The following KLHDC4 variants were observed in gnomAD, a reference collection of about 807,000 sequenced individuals.
The protein encoded by KLHDC4 is kelch domain-containing protein 4.
In KLHDC4, 90 loss-of-function variants were observed where a neutral mutation model predicts 62.4. The observed-to-expected ratio is 1.44, with a 90% CI of 1.22 to 1.72. The LOEUF (loss-of-function observed/expected upper bound fraction) is 1.72. KLHDC4 is among the 40% of genes most tolerant of loss of function. The pLI, the probability that KLHDC4 is intolerant of heterozygous loss-of-function variation, is 0.00. For missense variants in KLHDC4, 1,025 were observed against 699.7 expected, an observed-to-expected ratio of 1.47 and a Z score of -5.25; for synonymous variants, 386 against 284.4, an observed-to-expected ratio of 1.36 and a Z score of -3.59.
At chr16:87,712,610 A>T (rs1011453040) in intron 8 of KLHDC4, among the ~76,000 whole-genome samples, 1 of 152,250 alleles carries the variant, frequency 6.6e-6, no homozygotes, top group Non-Finnish European at 1.5e-5. Context: ...CTGGAAAGTG[A>T]CTGAAAGAAG....
chr16:87,730,289 TG>T (rs774799176), intron 6 of KLHDC4, among the ~76,000 whole-genome samples: 1 of 152,234 alleles, frequency 6.6e-6, no homozygotes, highest in Non-Finnish European at 1.5e-5. Flanking sequence ...CCACATCATT[TG>T]CAGGACCTGG....
At chr16:87,742,588 G>A (rs1419060074) in intron 5 of KLHDC4, among the ~76,000 whole-genome samples, 2 of 152,172 alleles carry the variant, frequency 1.3e-5, no homozygotes, top group East Asian at 3.8e-4. Context: ...TAGGGATCGT[G>A]GAGAGGGTAC....
rs367716328 is a variant in KLHDC4 at position 87,730,030 on chromosome 16, T to C, written c.599+522A>G. 4.6e-5 allele frequency among the ~76,000 whole-genome samples: 7 copies of C among 152,374 alleles called. No individual in the cohort carries two copies. In the East Asian group the frequency reaches 9.6e-4, roughly 21 times the overall value. On this transcript the variant is annotated intron_variant, in intron 6 of 11. Coordinates refer to ENST00000270583, the MANE Select transcript of KLHDC4 (RefSeq NM_017566.4). The stretch of plus-strand genomic sequence containing the variant: ...GTTCAGTGGCATGATCTCAACTCAC[T>C]GCAACCTCCATCTCCTGGGTTCAAG...
At chr16:87,733,571 C>T (rs2040775561) in intron 5 of KLHDC4, among the ~76,000 whole-genome samples, 2 of 151,996 alleles carry the variant, frequency 1.3e-5, no homozygotes, top group African/African-American at 4.8e-5. Flanking sequence ...TCCCTGGGAT[C>T]CTCACTGATG....
At chr16:87,711,851 C>G (rs2035915209) in intron 8 of KLHDC4, among the ~76,000 whole-genome samples, 1 of 149,596 alleles carries the variant, frequency 6.7e-6, no homozygotes, top group Non-Finnish European at 1.5e-5. Context: ...GCACCAGCCC[C>G]CCTTGGGCCT....
In KLHDC4 at chr16:87,756,398, CT is replaced by C; in HGVS notation, c.270del (p.Thr91LeufsTer36). 6.2e-7 allele frequency: 1 copy of C among 1,606,930 alleles called. No individual in the cohort carries two copies. The highest frequency in any genetic ancestry group is 8.5e-7 in the Non-Finnish European group (1 of 1,173,534). On this transcript the variant is annotated frameshift_variant and splice_region_variant, in exon 3 of 12. Coordinates refer to ENST00000270583, the MANE Select transcript of KLHDC4 (RefSeq NM_017566.4). LOFTEE classifies it high-confidence loss of function. ...AGAAAAGAAAAAAATATATACTTTACTTTTTGGCCGTTGAAATATTCACCTC... is the reference window on the plus strand; with the variant it reads ...AGAAAAGAAAAAAATATATACTTTACTTTTGGCCGTTGAAATATTCACCTC... ...LFGGEYFNGQ[K>X]TFLYNELYVY... is the part of the protein sequence containing the mutation.
At chr16:87,720,657 C>A (rs112080695) in intron 7 of KLHDC4, among the ~76,000 whole-genome samples, 1 of 152,204 alleles carries the variant, frequency 6.6e-6, no homozygotes, top group African/African-American at 2.4e-5. Context: ...CCACGTGTCG[C>A]GAGAGCAGCA....
Position 87,722,672 on chromosome 16 carries a change from G to A in KLHDC4, c.759+4093C>T, listed in dbSNP as rs150066054. 8.9e-3 allele frequency among the ~76,000 whole-genome samples: 1,356 copies of A among 152,348 alleles called. 7 individuals are homozygous for A. Among genetic ancestry groups the A allele is most frequent in the Non-Finnish European group, 0.014 (972 of 68,024 alleles). On this transcript the variant is annotated intron_variant, in intron 7 of 11. Transcript: ENST00000270583. ...ATGGTGAGCAGAAGGACAAGGACAC[G>A]CAGGGGGATGGAAACTGGGGCCGCC...
At position 87,714,577 on chromosome 16, in the gene KLHDC4, C is replaced by G. The variant is rs1274978524; in HGVS notation, c.760-4G>C. 1 of 1,613,988 alleles carries G rather than the reference C, an allele frequency of 6.2e-7. No individual in the cohort carries two copies. Among genetic ancestry groups the G allele is most frequent in the Non-Finnish European group, 8.5e-7 (1 of 1,179,958 alleles). On this transcript the variant is annotated splice_region_variant and splice_polypyrimidine_tract_variant and intron_variant, in intron 7 of 11. Transcript: ENST00000270583. ...TGTCCACGTCTTTCTTAACTCTCTG[C>G]AATGGAAAGGAATTGTGTGAGAACC...
In KLHDC4 at chr16:87,762,377, G is replaced by A. The variant is rs140380738; in HGVS notation, c.100-337C>T. On this transcript the variant is annotated intron_variant, in intron 1 of 11. Coordinates refer to ENST00000270583, the MANE Select transcript of KLHDC4 (RefSeq NM_017566.4). ...TCTCATAACCCAGACTCGAGCCGTCGCACCTGCCAGCCTTCCTGTCTGCAG... is the reference window on the plus strand; with the variant it reads ...TCTCATAACCCAGACTCGAGCCGTCACACCTGCCAGCCTTCCTGTCTGCAG... 2.0e-3 allele frequency among the ~76,000 whole-genome samples: 300 copies of A among 151,474 alleles called. 1 individual carries two copies. Among genetic ancestry groups the A allele is most frequent in the African/African-American group, 6.9e-3 (286 of 41,206 alleles).
chr16:87,704,781 G>A (rs2034463207), downstream of KLHDC4, among the ~76,000 whole-genome samples: 1 of 151,788 alleles, frequency 6.6e-6, no homozygotes, highest in African/African-American at 2.4e-5. Flanking sequence ...CAAACCAACT[G>A]CCTGGCAAGA....
intron 7 of KLHDC4, among the ~76,000 whole-genome samples, chr16:87,723,640 G>C (rs1192227175): frequency 2.0e-5 from 3 of 152,188 alleles, no homozygotes; most frequent in African/African-American, 7.2e-5. Flanking sequence ...CAGAACAAAA[G>C]ATGACCAAGA....
chr16:87,729,944 A>G (rs1567725440), intron 6 of KLHDC4, among the ~76,000 whole-genome samples: 1 of 152,138 alleles, frequency 6.6e-6, no homozygotes, highest in Non-Finnish European at 1.5e-5. Context: ...TGAGAATCCC[A>G]TTTTATTTTT....
intron 9 of KLHDC4, chr16:87,710,023 T>A (rs983869250): frequency 1.6e-5 from 4 of 246,670 alleles, no homozygotes; most frequent in African/African-American, 8.8e-5. Context: ...GAAAACCCAA[T>A]CACCCACAGT....
Position 87,756,494 on chromosome 16 carries a change from C to A in KLHDC4, c.192-17G>T. On this transcript the variant is annotated splice_polypyrimidine_tract_variant and intron_variant, in intron 2 of 11. Transcript: ENST00000270583. ...GCATTTAACCTACAAGACACACAAG[C>A]GGCAGGTCAGCAAGATCACCCCCGA... 1.2e-6 allele frequency: 2 copies of A among 1,605,764 alleles called. No homozygotes were observed. The highest frequency in any genetic ancestry group is 3.3e-5 in the Admixed American group (2 of 59,938).
chr16:87,755,195 T>G lies in KLHDC4; in HGVS notation c.368A>C (p.Gln123Pro). 1.2e-6 allele frequency: 2 copies of G among 1,602,304 alleles called. No individual in the cohort carries two copies. The highest frequency in any genetic ancestry group is 2.2e-5 in the East Asian group (1 of 44,814). ...PSPPPRRCAHQAVVVPQGGGQ... is the reference protein window; with the variant it reads ...PSPPPRRCAHPAVVVPQGGGQ... The stretch of plus-strand genomic sequence containing the variant: ...GCTGAGAGTCAGTGCTGACATTACC[T>G]GGTGAGCACAGCGCCTCGGAGGTGG... The change falls in exon 4 of 12, where the codon CAG becomes CCG. Residue 123 changes from glutamine to proline, a missense_variant and splice_region_variant. Transcript: ENST00000270583.
At position 87,708,435 on chromosome 16, in the gene KLHDC4, C is replaced by G. The variant is rs147054651; in HGVS notation, c.1479G>C (p.Ser493=). 7.4e-6 allele frequency: 12 copies of G among 1,611,012 alleles called. No individual in the cohort carries two copies. Among genetic ancestry groups the G allele is most frequent in the Non-Finnish European group, 9.3e-6 (11 of 1,178,862 alleles). Residue 493 remains serine, a synonymous_variant, in exon 11 of 12, where the codon TCG becomes TCC. Coordinates refer to ENST00000270583, the MANE Select transcript of KLHDC4 (RefSeq NM_017566.4). ...ETQEWLEETD[S]EEDSEEVEGA... ...CCTCAACCTCCTCACTGTCCTCTTC[C>G]GAGTCCGTCTCCTCCAGCCACTCCT...
At chr16:87,735,997 C>T (rs376968745) in intron 5 of KLHDC4, among the ~76,000 whole-genome samples, 2 of 152,312 alleles carry the variant, frequency 1.3e-5, no homozygotes, top group East Asian at 1.9e-4. Context: ...TGCATGCAAA[C>T]GCTTCTCTGA....
intron 7 of KLHDC4, among the ~76,000 whole-genome samples, chr16:87,716,167 C>T (rs1455997442): frequency 2.0e-5 from 3 of 149,192 alleles, no homozygotes; most frequent in South Asian, 2.1e-4. Context: ...CGCTATGTCT[C>T]GTGGATATTG....
Sources: allele counts gnomAD v4.1 joint callset (sites outside exome capture counted in the v4.1 genomes callset), GRCh38; gene constraint gnomAD v4.1.1; transcripts MANE v1.5; gene names NCBI Gene and HGNC (gene_info 2026-07-23, HGNC 2026-07-21).